TSGA10IP: variants seen among roughly 807,000 people sequenced by gnomAD.
TSGA10IP encodes the protein testis specific 10 interacting protein, also known as testis-specific protein 10-interacting protein.
Under a neutral mutation model 63.2 loss-of-function variants are expected in TSGA10IP, and 64 were observed. The observed-to-expected ratio is 1.01, with a 90% CI of 0.83 to 1.25. The LOEUF (loss-of-function observed/expected upper bound fraction) is 1.25. Among genes scored for constraint, TSGA10IP ranks in the 50% most tolerant of loss-of-function variants. The pLI is 0.00. For missense variants in TSGA10IP, 681 were observed against 710.1 expected (o/e 0.96, Z 0.47); for synonymous variants, 316 against 298.3 (o/e 1.06, Z -0.61).
chr11:65,945,922 TGAGG>T, intron 1 of TSGA10IP, 100 bp downstream of exon 1: 1 of 1,423,458 alleles, frequency 7.0e-7, no homozygotes, highest in Non-Finnish European at 9.6e-7. Context: ...AGACCTGAGC[TGAGG>T]TCCAGATGAA....
rs761411905 is a variant in TSGA10IP at position 65,958,953 on chromosome 11, C to T, written c.1393C>T (p.Arg465Trp). 26 of 1,613,088 alleles carry T rather than the reference C, an allele frequency of 1.6e-5. No individual in the cohort carries two copies. In the Admixed American group the frequency reaches 1.8e-4, roughly 11 times the overall value. ...AGGCATCCAGCACAGGGTGCAGGCC[C>T]GGCCCTTCCTGTTCCAGCAGGCTAT... The change falls in exon 6 of 8, where the codon CGG becomes TGG. Residue 465 changes from arginine to tryptophan, a missense_variant. Physicochemically the swap from Arg to Trp is moderately radical, Grantham distance 101. Coordinates refer to ENST00000532620, the Ensembl canonical transcript of TSGA10IP.
At chr11:65,953,031 T>C (rs1364485531) in intron 4 of TSGA10IP, among the ~76,000 whole-genome samples, 1 of 126,946 alleles carries the variant, frequency 7.9e-6, no homozygotes, top group Admixed American at 7.5e-5. Flanking sequence ...TCTTTCTTTC[T>C]TTTTTTTTTT....
chr11:65,946,875 C>A lies in TSGA10IP; in HGVS notation c.148-5C>A. ...GGCTGCTCCTCCCCTACTGTCTCTG[C>A]CCAGGGCTGCCTGGGGAGTGGTGAT... On this transcript the variant is annotated splice_polypyrimidine_tract_variant and splice_region_variant and intron_variant, in intron 1 of 7. Coordinates refer to ENST00000532620, the Ensembl canonical transcript of TSGA10IP. The A allele has an allele frequency of 6.2e-7, 1 of 1,613,360 alleles. No homozygotes were observed. The highest frequency in any genetic ancestry group is 8.5e-7 in the Non-Finnish European group (1 of 1,179,624).
intron 4 of TSGA10IP, among the ~76,000 whole-genome samples, chr11:65,951,383 T>C (rs991080078): frequency 5.9e-5 from 9 of 152,174 alleles, no homozygotes; most frequent in Admixed American, 2.0e-4. Context: ...ATTTTGGTAA[T>C]AGTCATTCTA....
At chr11:65,945,816 C>T (rs774104489) in exon 1 of TSGA10IP, 14 of 1,613,604 alleles carry the variant, frequency 8.7e-6, no homozygotes, top group Non-Finnish European at 1.1e-5. Context: ...TCTCTCAGGA[C>T]AAGCAGGTGA....
intron 5 of TSGA10IP, among the ~76,000 whole-genome samples, chr11:65,957,640 A>C (rs1855047744): frequency 6.6e-6 from 1 of 152,200 alleles, no homozygotes; most frequent in South Asian, 2.1e-4. Context: ...ACAGGGCCAC[A>C]GCAAGGGTGG....
chr11:65,948,284 C>G, intron 4 of TSGA10IP, 136 bp downstream of exon 4: 1 of 731,224 alleles, frequency 1.4e-6, no homozygotes, highest in South Asian at 1.9e-5. Context: ...GATCATCCAT[C>G]CATCCATCCA....
chr11:65,955,975 T>C (rs1855016880), intron 5 of TSGA10IP, among the ~76,000 whole-genome samples: 1 of 152,042 alleles, frequency 6.6e-6, no homozygotes, highest in African/African-American at 2.4e-5. Context: ...CCAAAACCAG[T>C]GCCATTGATT....
chr11:65,948,102 G>A, exon 4 of TSGA10IP: 2 of 1,599,332 alleles, frequency 1.3e-6, no homozygotes, highest in Non-Finnish European at 1.7e-6. Flanking sequence ...TTTCGTGTCT[G>A]CCAACCTCCC....
At chr11:65,959,354 C>A (rs1855079146) in intron 7 of TSGA10IP, 40 bp downstream of exon 7, 5 of 1,604,378 alleles carry the variant, frequency 3.1e-6, no homozygotes, top group Non-Finnish European at 4.2e-6. Flanking sequence ...CTCTGCCATG[C>A]TGCTGCGGGA....
At chr11:65,957,595 T>C (rs1855047385) in intron 5 of TSGA10IP, among the ~76,000 whole-genome samples, 1 of 152,206 alleles carries the variant, frequency 6.6e-6, no homozygotes, top group Admixed American at 6.5e-5. Flanking sequence ...CAAGTCCATG[T>C]CTTTTTCTCA....
intron 4 of TSGA10IP, among the ~76,000 whole-genome samples, chr11:65,951,518 T>TTTTATTATTATTATTA (rs56793895): frequency 7.2e-6 from 1 of 139,116 alleles, no homozygotes; most frequent in South Asian, 2.3e-4. Flanking sequence ...ATTTGCTTAT[T>TTTTATTATTATTATTA]TTATTATTAT....
At chr11:65,950,118 G>A (rs1230583626) in intron 4 of TSGA10IP, among the ~76,000 whole-genome samples, 1 of 151,412 alleles carries the variant, frequency 6.6e-6, no homozygotes, top group African/African-American at 2.4e-5. Flanking sequence ...CCCAAAGTGC[G>A]GGGATCACAG....
exon 2 of TSGA10IP, chr11:65,946,969 G>A: frequency 6.2e-7 from 1 of 1,613,998 alleles, no homozygotes; most frequent in Non-Finnish European, 8.5e-7. Flanking sequence ...AGGACCGCAA[G>A]CCCAGGGGCC....
At chr11:65,951,553 T>TATTATTA (rs1565307101) in intron 4 of TSGA10IP, among the ~76,000 whole-genome samples, 3 of 148,800 alleles carry the variant, frequency 2.0e-5, no homozygotes, top group Non-Finnish European at 4.5e-5. Flanking sequence ...TTATTATTAT[T>TATTATTA]TTGAGATGGA....
intron 4 of TSGA10IP, among the ~76,000 whole-genome samples, chr11:65,949,846 C>G (rs1196528281): frequency 2.2e-5 from 3 of 134,068 alleles, no homozygotes; most frequent in Non-Finnish European, 4.6e-5. Flanking sequence ...TATGCATTAC[C>G]TCGGTTTTTT....
chr11:65,951,169 A>C (rs942210707), intron 4 of TSGA10IP, among the ~76,000 whole-genome samples: 58 of 152,330 alleles, frequency 3.8e-4, no homozygotes, highest in African/African-American at 1.4e-3. Context: ...ACATAGGAGT[A>C]CAGCTACCTC....
exon 3 of TSGA10IP, chr11:65,947,619 G>A: frequency 1.2e-6 from 2 of 1,613,688 alleles, no homozygotes; most frequent in African/African-American, 1.3e-5. Flanking sequence ...AGGACTCCCT[G>A]CAGAAGGAGG....
At chr11:65,956,147 T>TA (rs1470044136) in intron 5 of TSGA10IP, among the ~76,000 whole-genome samples, 1 of 151,248 alleles carries the variant, frequency 6.6e-6, no homozygotes, top group Non-Finnish European at 1.5e-5. Flanking sequence ...TTTTTTTTTT[T>TA]TTTTTTTGAG....
Sources: allele counts gnomAD v4.1 joint callset (sites outside exome capture counted in the v4.1 genomes callset), GRCh38; gene constraint gnomAD v4.1.1; transcripts MANE v1.5; gene names NCBI Gene and HGNC (gene_info 2026-07-23, HGNC 2026-07-21).